The following SGCZ variants were observed in gnomAD, a reference collection of about 807,000 sequenced individuals.
The protein encoded by SGCZ is zeta-sarcoglycan.
A neutral mutation model predicts 41.3 loss-of-function variants in SGCZ; 40 were observed. The observed-to-expected ratio is 0.97, with a 90% CI of 0.75 to 1.26. SGCZ has a LOEUF of 1.26. Among genes scored for constraint, SGCZ ranks in the 50% most tolerant of loss-of-function variants. The probability of loss-of-function intolerance (pLI) is 0.00; values close to 1 mark genes in which losing one functional copy is unlikely to be tolerated. For synonymous variants in SGCZ, 206 were observed against 137.5 expected, an observed-to-expected ratio of 1.50 and a Z score of -3.49; for missense variants, 552 against 369.8, an observed-to-expected ratio of 1.49 and a Z score of -4.04.
intron 1 of SGCZ, among the ~76,000 whole-genome samples, chr8:15,022,283 A>G (rs1458300849): frequency 6.6e-6 from 1 of 152,212 alleles, no homozygotes; most frequent in African/African-American, 2.4e-5. Context: ...TTTAAGAAGA[A>G]AATGTTGAGA....
At chr8:15,113,914 C>T (rs1264919681) in intron 1 of SGCZ, among the ~76,000 whole-genome samples, 1 of 152,180 alleles carries the variant, frequency 6.6e-6, no homozygotes, top group African/African-American at 2.4e-5. Context: ...CACACTGCTC[C>T]ATCTGCCAAA....
intron 2 of SGCZ, among the ~76,000 whole-genome samples, chr8:14,347,456 T>C (rs560319563): frequency 2.0e-5 from 3 of 152,236 alleles, no homozygotes; most frequent in Admixed American, 6.5e-5. Flanking sequence ...AGTTATGTTC[T>C]TCAGGAAATT....
intron 2 of SGCZ, among the ~76,000 whole-genome samples, chr8:14,432,542 G>C (rs1004408553): frequency 9.2e-5 from 14 of 152,132 alleles, no homozygotes; most frequent in Admixed American, 2.6e-4. Flanking sequence ...GGGTGAGAAG[G>C]GGGTGAGGGA....
intron 2 of SGCZ, among the ~76,000 whole-genome samples, chr8:14,493,934 G>C (rs956456879): frequency 6.6e-6 from 1 of 151,908 alleles, no homozygotes; most frequent in African/African-American, 2.4e-5. Context: ...TACTAATTCA[G>C]TACAAGTACT....
chr8:14,738,888 A>G (rs1211921950), intron 1 of SGCZ, among the ~76,000 whole-genome samples: 1 of 152,076 alleles, frequency 6.6e-6, no homozygotes, highest in Admixed American at 6.6e-5. Flanking sequence ...TGCCTACTGC[A>G]GATAAGAGAC....
intron 3 of SGCZ, among the ~76,000 whole-genome samples, chr8:14,292,670 A>T (rs903763032): frequency 5.9e-5 from 9 of 151,970 alleles, no homozygotes; most frequent in Non-Finnish European, 1.2e-4. Flanking sequence ...TGTCTCACTA[A>T]AGTCAAATTC....
At chr8:14,932,711 A>G (rs1158955872) in intron 1 of SGCZ, among the ~76,000 whole-genome samples, 2 of 152,100 alleles carry the variant, frequency 1.3e-5, no homozygotes, top group South Asian at 2.1e-4. Flanking sequence ...ACCTTCAAGC[A>G]CATGTGTAAT....
intron 1 of SGCZ, among the ~76,000 whole-genome samples, chr8:15,162,521 T>C (rs1013349491): frequency 1.2e-4 from 19 of 152,354 alleles, no homozygotes; most frequent in African/African-American, 4.6e-4. Flanking sequence ...CCAAAGTGTT[T>C]TGATACTCAG....
At chr8:14,496,096 C>T (rs1333776516) in intron 2 of SGCZ, among the ~76,000 whole-genome samples, 1 of 152,126 alleles carries the variant, frequency 6.6e-6, no homozygotes, top group Non-Finnish European at 1.5e-5. Context: ...GATAGGCTCT[C>T]ATTCTGTCAC....
At chr8:14,852,473 TA>T (rs1349240809) in intron 1 of SGCZ, among the ~76,000 whole-genome samples, 13 of 152,244 alleles carry the variant, frequency 8.5e-5, no homozygotes, top group African/African-American at 3.1e-4. Context: ...TGTGATTGAG[TA>T]AAAGTCTAAT....
chr8:15,055,982 G>A (rs1045001437), intron 1 of SGCZ, among the ~76,000 whole-genome samples: 19 of 152,094 alleles, frequency 1.2e-4, no homozygotes, highest in African/African-American at 2.2e-4. Context: ...TCTATCGATC[G>A]TAAAGCTGGG....
Position 14,102,468 on chromosome 8 carries a change from C to G in SGCZ, c.652G>C (p.Glu218Gln), listed in dbSNP as rs1403289959. 7 of 1,492,344 alleles carry G rather than the reference C, an allele frequency of 4.7e-6. No individual in the cohort carries two copies. The highest frequency in any genetic ancestry group is 6.3e-6 in the Non-Finnish European group (7 of 1,105,184). 92.4% of individuals were successfully genotyped at this position (1,492,344 alleles called of 1,614,324 possible). A position where few individuals can be genotyped will look rare whatever the true frequency, so the allele number is the denominator to read the frequency against. ...LESPTRSLIM[E>Q]APRGVQVSAA... ...CTCACCTGGACCCCACGGGGAGCTTCCATGATCAAGGATCTGGTGGGTGAT... is the reference window on the plus strand; with the variant it reads ...CTCACCTGGACCCCACGGGGAGCTTGCATGATCAAGGATCTGGTGGGTGAT... Residue 218 changes from glutamate to glutamine, a missense_variant, in exon 7 of 8, where the codon GAA becomes CAA. Glu to Gln is a conservative substitution (Grantham distance 29). Coordinates refer to ENST00000382080, the MANE Select transcript of SGCZ (RefSeq NM_139167.4).
At chr8:15,162,581 T>A (rs1799542060) in intron 1 of SGCZ, among the ~76,000 whole-genome samples, 1 of 152,210 alleles carries the variant, frequency 6.6e-6, no homozygotes, top group Non-Finnish European at 1.5e-5. Context: ...TTTTCACTTA[T>A]CTTATGGCAT....
At chr8:14,630,573 G>A (rs953966650) in intron 1 of SGCZ, among the ~76,000 whole-genome samples, 6 of 152,048 alleles carry the variant, frequency 3.9e-5, no homozygotes, top group East Asian at 3.9e-4. Flanking sequence ...ACATGCACAC[G>A]TATGTTTATT....
intron 1 of SGCZ, among the ~76,000 whole-genome samples, chr8:14,961,011 A>G (rs1476637549): frequency 2.0e-5 from 3 of 152,000 alleles, no homozygotes; most frequent in Non-Finnish European, 4.4e-5. Context: ...TTACAAAAGA[A>G]GAGAGTGCAT....
In SGCZ at chr8:14,682,535, C is replaced by T. The variant is rs1323620903; in HGVS notation, c.40-127609G>A. On this transcript the variant is annotated intron_variant, in intron 1 of 7. Transcript: ENST00000382080. Reference sequence around the variant, plus strand: ...CTGCAATCTCCGCCTCCCGGGTTCACGCCATCCTCCTGCCTCAGCCTCCTG... The same window carrying T: ...CTGCAATCTCCGCCTCCCGGGTTCATGCCATCCTCCTGCCTCAGCCTCCTG... Among the ~76,000 whole-genome samples the T allele has an allele frequency of 3.3e-5, 5 of 151,582 alleles. No homozygotes were observed. In the East Asian group the frequency reaches 9.8e-4, roughly 30 times the overall value.
chr8:14,552,852 C>G (rs1289573508), intron 2 of SGCZ, among the ~76,000 whole-genome samples: 1 of 151,968 alleles, frequency 6.6e-6, no homozygotes, highest in Non-Finnish European at 1.5e-5. Flanking sequence ...AAGGCTTGAA[C>G]CTGAAAATTC....
intron 2 of SGCZ, among the ~76,000 whole-genome samples, chr8:14,388,222 C>T (rs749304217): frequency 1.3e-5 from 2 of 151,864 alleles, no homozygotes; most frequent in Non-Finnish European, 2.9e-5. Context: ...ATCCTAATTT[C>T]CAAGGACAAA....
At chr8:14,552,271 G>T (rs980453801) in intron 2 of SGCZ, among the ~76,000 whole-genome samples, 2 of 152,042 alleles carry the variant, frequency 1.3e-5, no homozygotes, top group South Asian at 4.1e-4. Context: ...ATTCAGGATT[G>T]CTGAAGTCTG....
Sources: gnomAD v4.1 joint callset for allele counts (sites outside exome capture counted in the v4.1 genomes callset) on GRCh38, gnomAD v4.1.1 for gene constraint, MANE v1.5 for transcripts, NCBI Gene and HGNC (gene_info 2026-07-23, HGNC 2026-07-21) for gene names.